Variants in BCAT1 observed in about 807,000 individuals in gnomAD.
BCAT1 encodes the protein branched-chain-amino-acid aminotransferase, cytosolic.
BCAT1 carries 48 observed loss-of-function variants against 52.4 expected under a neutral mutation model. The ratio of observed to expected loss-of-function variants is 0.92; its 90% CI spans 0.73 to 1.16. BCAT1 has a LOEUF of 1.16. Ranked by LOEUF, BCAT1 falls within the 50% of genes most tolerant of loss-of-function variation. BCAT1 has a pLI of 0.00. For missense variants in BCAT1, 451 were observed against 457.1 expected (o/e 0.99, Z 0.12); for synonymous variants, 167 against 161.3 (o/e 1.04, Z -0.27).
chr12:24,845,247 C>T (rs967724105), intron 6 of BCAT1, among the ~76,000 whole-genome samples: 7 of 148,302 alleles, frequency 4.7e-5, no homozygotes, highest in Admixed American at 3.3e-4. Context: ...CATTAAAAGA[C>T]GCTTAAAACA....
At chr12:24,878,382 C>T (rs968649770) in intron 5 of BCAT1, 148 bp downstream of exon 5, 1 of 728,134 alleles carries the variant, frequency 1.4e-6, no homozygotes, top group Non-Finnish European at 2.0e-6. Flanking sequence ...AAAATGTTTG[C>T]TACCTCTAAT....
chr12:24,829,367 A>G (rs941263421), intron 10 of BCAT1, among the ~76,000 whole-genome samples: 1 of 152,214 alleles, frequency 6.6e-6, no homozygotes, highest in Non-Finnish European at 1.5e-5. Context: ...CTGGGCAACA[A>G]GAGTGAAACT....
chr12:24,921,057 G>A (rs1466125660), intron 1 of BCAT1, among the ~76,000 whole-genome samples: 2 of 152,024 alleles, frequency 1.3e-5, no homozygotes, highest in Non-Finnish European at 2.9e-5. Context: ...GACCCTCCAC[G>A]TGTTCAGCAC....
At chr12:24,942,901 T>G (rs1366899787) in intron 1 of BCAT1, among the ~76,000 whole-genome samples, 7 of 152,262 alleles carry the variant, frequency 4.6e-5, no homozygotes, top group African/African-American at 7.2e-5. Flanking sequence ...ATAACTTATG[T>G]GCTGTGAACA....
intron 10 of BCAT1, among the ~76,000 whole-genome samples, chr12:24,827,306 C>G (rs914472779): frequency 9.2e-6 from 1 of 108,490 alleles, no homozygotes; most frequent in Non-Finnish European, 1.9e-5. Context: ...AATGCCTAAG[C>G]CATCCATGCA....
At chr12:24,948,762 C>T (rs774736673) in intron 1 of BCAT1, among the ~76,000 whole-genome samples, 165 bp downstream of exon 1, 1 of 152,316 alleles carries the variant, frequency 6.6e-6, no homozygotes, top group South Asian at 2.1e-4. Context: ...GCACGGTCCC[C>T]GCAAACTACG....
chr12:24,865,021 A>G (rs1941964297), intron 5 of BCAT1, among the ~76,000 whole-genome samples: 1 of 152,148 alleles, frequency 6.6e-6, no homozygotes, highest in African/African-American at 2.4e-5. Context: ...TTAGCATTTT[A>G]CAAACTCCCT....
At chr12:24,888,907 TTC>T (rs1942760847) in intron 3 of BCAT1, among the ~76,000 whole-genome samples, 1 of 152,212 alleles carries the variant, frequency 6.6e-6, no homozygotes, top group South Asian at 2.1e-4. Flanking sequence ...CCATCTTCCC[TTC>T]TCTTTGTCAG....
intron 10 of BCAT1, among the ~76,000 whole-genome samples, chr12:24,829,368 G>A (rs1450436903): frequency 6.6e-6 from 1 of 152,192 alleles, no homozygotes; most frequent in East Asian, 1.9e-4. Context: ...TGGGCAACAA[G>A]AGTGAAACTC....
intron 5 of BCAT1, among the ~76,000 whole-genome samples, chr12:24,863,893 T>C (rs1041352504): frequency 8.6e-5 from 13 of 151,956 alleles, no homozygotes; most frequent in Non-Finnish European, 1.8e-4. Flanking sequence ...ATGACACCAC[T>C]GTACTCCAGC....
At chr12:24,896,312 A>AC (rs1411011579) in intron 2 of BCAT1, among the ~76,000 whole-genome samples, 1 of 152,218 alleles carries the variant, frequency 6.6e-6, no homozygotes, top group Non-Finnish European at 1.5e-5. Flanking sequence ...GGTCAGGCAG[A>AC]CTTTACTTGC....
chr12:24,828,388 A>G (rs1388965553), intron 10 of BCAT1, among the ~76,000 whole-genome samples: 1 of 152,212 alleles, frequency 6.6e-6, no homozygotes, highest in Non-Finnish European at 1.5e-5. Context: ...ATTATTGCTC[A>G]GAAAAAAAAT....
intron 5 of BCAT1, among the ~76,000 whole-genome samples, chr12:24,866,572 T>A (rs1028465206): frequency 3.3e-5 from 5 of 152,176 alleles, no homozygotes; most frequent in Non-Finnish European, 7.4e-5. Flanking sequence ...CTGAGTCTAG[T>A]GGGGACTTGG....
chr12:24,811,696 A>G lies in BCAT1; in HGVS notation c.*6312T>C, dbSNP rs1939689897. 6.6e-6 allele frequency: 1 copy of G among 152,166 alleles called. No homozygotes were observed. Among genetic ancestry groups the G allele is most frequent in the African/African-American group, 2.4e-5 (1 of 41,468 alleles). 9.4% of individuals were successfully genotyped at this position (152,166 alleles called of 1,614,324 possible). A position where few individuals can be genotyped will look rare whatever the true frequency, so the allele number is the denominator to read the frequency against. ...TTCACAAAAGCCAAGCCTCATTTAC[A>G]AAGGGTTTATTTCTTTCTACTCAAT... On this transcript the variant is annotated 3_prime_UTR_variant, in exon 11 of 11. Coordinates refer to ENST00000261192, the MANE Select transcript of BCAT1 (RefSeq NM_005504.7).
chr12:24,903,256 G>T, intron 1 of BCAT1: 1 of 581,386 alleles, frequency 1.7e-6, no homozygotes, highest in Non-Finnish European at 2.5e-6. Context: ...GGTCGCTTGC[G>T]GAGGCCCGAG....
intron 3 of BCAT1, among the ~76,000 whole-genome samples, chr12:24,886,814 T>C (rs929111039): frequency 5.9e-5 from 8 of 135,296 alleles, no homozygotes; most frequent in African/African-American, 1.7e-4. Context: ...CTGGGCAACA[T>C]AGTAAGACCC....
chr12:24,833,745 G>A (rs60104197), intron 8 of BCAT1: 37,720 of 151,580 alleles, frequency 0.25, 4,806 homozygotes, highest in Non-Finnish European at 0.27. Context: ...AAGGAAGTAA[G>A]TGACAGAAAC....
At chr12:24,838,411 C>A (rs1941070473) in intron 7 of BCAT1, among the ~76,000 whole-genome samples, 1 of 151,982 alleles carries the variant, frequency 6.6e-6, no homozygotes, top group Admixed American at 6.6e-5. Context: ...TACTCTTTGT[C>A]ATGTTTAGAA....
At chr12:24,917,531 C>T (rs1457735013) in intron 1 of BCAT1, among the ~76,000 whole-genome samples, 1 of 152,128 alleles carries the variant, frequency 6.6e-6, no homozygotes, top group African/African-American at 2.4e-5. Context: ...CCAAAGTTAT[C>T]AGAAACCTGT....
Sources: gnomAD v4.1 joint callset for allele counts (sites outside exome capture counted in the v4.1 genomes callset) on GRCh38, gnomAD v4.1.1 for gene constraint, MANE v1.5 for transcripts, NCBI Gene and HGNC (gene_info 2026-07-23, HGNC 2026-07-21) for gene names.